Variants in SH3RF3 observed in about 807,000 individuals in gnomAD.
The protein encoded by SH3RF3 is E3 ubiquitin-protein ligase SH3RF3.
In SH3RF3, 29 loss-of-function variants were observed where a neutral mutation model predicts 66.3. That is an observed-to-expected ratio of 0.44 (90% CI 0.33 to 0.60). The LOEUF (loss-of-function observed/expected upper bound fraction) is 0.60. Among genes scored for constraint, SH3RF3 ranks in the 20% least tolerant of loss-of-function variants. The probability of loss-of-function intolerance (pLI) is 0.04; values close to 1 mark genes in which losing one functional copy is unlikely to be tolerated. For synonymous variants in SH3RF3, 583 were observed against 532.0 expected (o/e 1.10, Z -1.32); for missense variants, 1,194 against 1,190.9 (o/e 1.00, Z -0.04).
intron 1 of SH3RF3, among the ~76,000 whole-genome samples, chr2:109,293,642 T>G (rs2105373029): frequency 1.3e-5 from 2 of 152,368 alleles, no homozygotes; most frequent in Middle Eastern, 6.8e-3. Context: ...TCATTTGTCT[T>G]TGGGCAGGGC....
chr2:109,388,505 C>T (rs1048959751), intron 3 of SH3RF3, among the ~76,000 whole-genome samples: 1 of 152,202 alleles, frequency 6.6e-6, no homozygotes, highest in Non-Finnish European at 1.5e-5. Context: ...CAGCTGCTGA[C>T]CCTGTGTCTG....
At chr2:109,386,002 A>G (rs925499568) in intron 3 of SH3RF3, among the ~76,000 whole-genome samples, 1 of 152,214 alleles carries the variant, frequency 6.6e-6, no homozygotes, top group South Asian at 2.1e-4. Flanking sequence ...AGTTGTAGCA[A>G]TTCTTCATAC....
At chr2:109,255,583 A>G (rs1319173578) in intron 1 of SH3RF3, among the ~76,000 whole-genome samples, 1 of 152,218 alleles carries the variant, frequency 6.6e-6, no homozygotes, top group Non-Finnish European at 1.5e-5. Context: ...CACCTCTATA[A>G]TTATGAAAAT....
At chr2:109,427,073 A>T (rs1027761064) in intron 5 of SH3RF3, among the ~76,000 whole-genome samples, 2 of 151,984 alleles carry the variant, frequency 1.3e-5, no homozygotes, top group Non-Finnish European at 2.9e-5. Flanking sequence ...GGTTCAAGCG[A>T]TTCTCTGGCC....
intron 1 of SH3RF3, among the ~76,000 whole-genome samples, chr2:109,183,914 G>GTGCCCCCA (rs1280925259): frequency 6.6e-6 from 1 of 152,198 alleles, no homozygotes; most frequent in African/African-American, 2.4e-5. Flanking sequence ...CCAGAGACCT[G>GTGCCCCCA]TGCCCCCACA....
intron 8 of SH3RF3, among the ~76,000 whole-genome samples, chr2:109,473,200 T>G (rs1404574188): frequency 1.3e-5 from 2 of 151,974 alleles, no homozygotes; most frequent in African/African-American, 4.9e-5. Flanking sequence ...GCTTCCTGCC[T>G]AGACATACGA....
intron 8 of SH3RF3, among the ~76,000 whole-genome samples, chr2:109,461,249 T>A (rs1253761848): frequency 6.6e-6 from 1 of 152,204 alleles, no homozygotes; most frequent in Non-Finnish European, 1.5e-5. Flanking sequence ...CAGCTCTAGT[T>A]GCATGGTAAT....
At chr2:109,410,777 T>G (rs747216149) in intron 4 of SH3RF3, among the ~76,000 whole-genome samples, 1 of 152,234 alleles carries the variant, frequency 6.6e-6, no homozygotes, top group African/African-American at 2.4e-5. Context: ...GTCAGAGCCC[T>G]TTCCTGGGCA....
rs148107322 is a variant in SH3RF3, at chr2:109,462,233, A to G, written c.2148+12744A>G. On this transcript the variant is annotated intron_variant, in intron 8 of 9. Transcript: ENST00000309415. ...AAGGTGATCACCATCCCTGCAAACT[A>G]TTTTGTGACACAGAGTTGGAGAATT... Among the ~76,000 whole-genome samples the G allele has an allele frequency of 2.3e-3, 345 of 150,460 alleles. 2 individuals are homozygous for G. The highest frequency in any genetic ancestry group is 8.3e-3 in the African/African-American group (338 of 40,810).
At position 109,347,817 on chromosome 2, in the gene SH3RF3, A is replaced by G; in HGVS notation, c.717A>G (p.Thr239=). The G allele has an allele frequency of 3.1e-6, 5 of 1,613,992 alleles. No homozygotes were observed. The highest frequency in any genetic ancestry group is 4.2e-6 in the Non-Finnish European group (5 of 1,179,870). ...EQWYHGELHG[T]QGFLPASYIQ... ...GGTACCACGGCGAGCTGCACGGCAC[A>G]CAGGGCTTCCTCCCAGCCAGCTATA... The change falls in exon 2 of 10, where the codon ACA becomes ACG. Residue 239 remains threonine (T), a synonymous_variant. Transcript: ENST00000309415.
In SH3RF3 at chr2:109,502,668, A is replaced by G. The variant is rs529057052; in HGVS notation, c.*997A>G. The G allele has an allele frequency of 1.3e-5, 2 of 152,258 alleles. No homozygotes were observed. The highest frequency in any genetic ancestry group is 6.5e-5 in the Admixed American group (1 of 15,292). The allele number at this position is 152,258 out of a possible 1,614,324, so 9.4% of individuals were successfully genotyped here. ...GCGCTCTGTCTAGACGGTGATGATT[A>G]TTATTCAAGACCTGGAAACATTTCG... is the stretch of plus-strand genomic sequence containing the variant. On this transcript the variant is annotated 3_prime_UTR_variant, in exon 10 of 10. Transcript: ENST00000309415.
At chr2:109,185,277 C>T (rs978718392) in intron 1 of SH3RF3, among the ~76,000 whole-genome samples, 1 of 152,136 alleles carries the variant, frequency 6.6e-6, no homozygotes, top group Non-Finnish European at 1.5e-5. Context: ...CTTTCCTAAT[C>T]GATGTGAATA....
In SH3RF3 at chr2:109,163,643, C is replaced by T. The variant is rs191307494; in HGVS notation, c.573+33530C>T. 5.5e-3 allele frequency among the ~76,000 whole-genome samples: 837 copies of T among 152,038 alleles called. 7 individuals are homozygous for T. Among genetic ancestry groups the T allele is most frequent in the African/African-American group, 0.019 (802 of 41,494 alleles). On this transcript the variant is annotated intron_variant, in intron 1 of 9. Coordinates refer to ENST00000309415, the MANE Select transcript of SH3RF3 (RefSeq NM_001099289.3). Reference sequence around the variant, plus strand: ...CTCGATCTCCTGACCTCGTGATCCGCCCGCCTCGGCCTCCCAAAGTGCTGG... The same window carrying T: ...CTCGATCTCCTGACCTCGTGATCCGTCCGCCTCGGCCTCCCAAAGTGCTGG...
intron 1 of SH3RF3, among the ~76,000 whole-genome samples, chr2:109,267,654 C>T (rs1191967125): frequency 6.6e-6 from 1 of 152,210 alleles, no homozygotes; most frequent in Non-Finnish European, 1.5e-5. Context: ...CCAGCTGCCA[C>T]CCCTGAGGTC....
intron 3 of SH3RF3, among the ~76,000 whole-genome samples, chr2:109,375,014 C>T (rs1683349387): frequency 1.3e-5 from 2 of 152,254 alleles, no homozygotes; most frequent in Non-Finnish European, 2.9e-5. Context: ...GCCAGCCTGG[C>T]CTTGCACTGC....
At chr2:109,369,934 C>T (rs111330224) in intron 2 of SH3RF3, among the ~76,000 whole-genome samples, 2,780 of 152,316 alleles carry the variant, frequency 0.018, 81 homozygotes, top group African/African-American at 0.058. Flanking sequence ...CTTGGAAAGG[C>T]GGGTGGTGCA....
intron 1 of SH3RF3, among the ~76,000 whole-genome samples, chr2:109,158,493 C>G (rs1039182122): frequency 6.6e-6 from 1 of 152,182 alleles, no homozygotes; most frequent in Admixed American, 6.5e-5. Context: ...CTTCATCCTT[C>G]ACACTGAAAG....
chr2:109,229,699 A>G (rs985408520), intron 1 of SH3RF3, among the ~76,000 whole-genome samples: 3 of 152,188 alleles, frequency 2.0e-5, no homozygotes. Context: ...TGGTGACTAC[A>G]TCTAGGTACC....
intron 1 of SH3RF3, among the ~76,000 whole-genome samples, chr2:109,248,466 G>A (rs1679972657): frequency 6.6e-6 from 1 of 152,106 alleles, no homozygotes; most frequent in Non-Finnish European, 1.5e-5. Flanking sequence ...TTTTCTCACT[G>A]CATCAAAGTC....
Sources: allele counts gnomAD v4.1 joint callset (sites outside exome capture counted in the v4.1 genomes callset), GRCh38; gene constraint gnomAD v4.1.1; transcripts MANE v1.5; gene names NCBI Gene and HGNC (gene_info 2026-07-23, HGNC 2026-07-21).